Variants in SYNE1 observed in about 807,000 individuals in gnomAD.
SYNE1 encodes spectrin repeat containing nuclear envelope protein 1.
Under a neutral mutation model 1,111.0 loss-of-function variants are expected in SYNE1, and 616 were observed. That is an observed-to-expected ratio of 0.55 (90% CI 0.52 to 0.59). The LOEUF (loss-of-function observed/expected upper bound fraction) is 0.59. Among genes scored for constraint, SYNE1 ranks in the 20% least tolerant of loss-of-function variants. The pLI is 0.00. For synonymous variants in SYNE1, 3,855 were observed against 3,825.8 expected, an observed-to-expected ratio of 1.01 and a Z score of -0.28; for missense variants, 10,006 against 10,417.0, an observed-to-expected ratio of 0.96 and a Z score of 1.72.
Position 152,441,185 on chromosome 6 carries a change from C to T in SYNE1, c.4094G>A (p.Arg1365His), listed in dbSNP as rs746133846. The change falls in exon 32 of 146, where the codon CGC becomes CAC. Residue 1365 changes from arginine to histidine, a missense_variant. Around this residue, in one of 7 missense-constraint regions of SYNE1, gnomAD observed 1,971 missense variants for 2,084.1 expected, o/e 0.95. Coordinates refer to ENST00000367255, the MANE Select transcript of SYNE1 (RefSeq NM_182961.4). ...TTCCAAACTGCTAAAACTCAAGAAG[C>T]GTTCATGACTGGAACCTGTTTGAAA... ...YLFQTGSSHE[R>H]FLSFSSLESL... 2.5e-6 allele frequency: 4 copies of T among 1,613,412 alleles called. No individual in the cohort carries two copies. Among genetic ancestry groups the T allele is most frequent in the Non-Finnish European group, 3.4e-6 (4 of 1,179,700 alleles).
intron 98 of SYNE1, among the ~76,000 whole-genome samples, chr6:152,275,322 A>C (rs1406792605): frequency 6.6e-6 from 1 of 152,138 alleles, no homozygotes; most frequent in Admixed American, 6.5e-5. Flanking sequence ...TGCAGACTTA[A>C]GTTTTATATT....
At chr6:152,502,218 T>C (rs1021231960) in intron 10 of SYNE1, among the ~76,000 whole-genome samples, 1 of 152,214 alleles carries the variant, frequency 6.6e-6, no homozygotes. Context: ...TACTTCCATA[T>C]GTTTGCTGTC....
intron 47 of SYNE1, among the ~76,000 whole-genome samples, chr6:152,400,206 C>T (rs1316399145): frequency 1.3e-5 from 2 of 150,642 alleles, no homozygotes; most frequent in African/African-American, 4.9e-5. Flanking sequence ...TCACCAAAAG[C>T]ACCAGTAGTT....
At chr6:152,536,435 C>CAA (rs2099242093) in intron 4 of SYNE1, among the ~76,000 whole-genome samples, 3 of 125,288 alleles carry the variant, frequency 2.4e-5, no homozygotes, top group African/African-American at 8.9e-5. Context: ...ATATATATAA[C>CAA]TATATATAGT....
At chr6:152,425,686 A>G in intron 38 of SYNE1, 139 bp from the exon 39 acceptor site, 1 of 975,576 alleles carries the variant, frequency 1.0e-6, no homozygotes, top group Non-Finnish European at 1.6e-6. Context: ...GAGAGTTTTT[A>G]TTACTTGATT....
In SYNE1 at chr6:152,133,420, T is replaced by C; in HGVS notation, c.25857A>G (p.Leu8619=). The C allele has an allele frequency of 1.2e-6, 2 of 1,614,152 alleles. No individual in the cohort carries two copies. The highest frequency in any genetic ancestry group is 1.7e-6 in the Non-Finnish European group (2 of 1,180,010). ...AGTCTGTTCCTTCAGCATTCACCAGTAGTTGGCAAGACATGTCTTGCAAAG... is the reference window on the plus strand; with the variant it reads ...AGTCTGTTCCTTCAGCATTCACCAGCAGTTGGCAAGACATGTCTTGCAAAG... ...VASLQDMSCQ[L]LVNAEGTDCL... is the part of the protein sequence containing the mutation. The change falls in exon 143 of 146, where the codon CTA becomes CTG. Residue 8619 remains leucine (L), a synonymous_variant. Transcript: ENST00000367255.
In SYNE1 at chr6:152,211,597, T is replaced by TA. The variant is rs767966157; in HGVS notation, c.22495-10dup. ...ATCTCGGCTTGAAACAACTATAATT[T>TA]AAAAAAAAGAAGAACATACTTTAGA... On this transcript the variant is annotated splice_polypyrimidine_tract_variant and intron_variant, in intron 123 of 145. Coordinates refer to ENST00000367255, the MANE Select transcript of SYNE1 (RefSeq NM_182961.4). 24 of 1,608,590 alleles carry TA rather than the reference T, an allele frequency of 1.5e-5. No homozygotes were observed. The highest frequency in any genetic ancestry group is 1.6e-4 in the Middle Eastern group (1 of 6,076).
At position 152,425,473 on chromosome 6, in the gene SYNE1, T is replaced by G; in HGVS notation, c.5175A>C (p.Ser1725=). Residue 1725 remains serine (S), a synonymous_variant, in exon 39 of 146, where the codon TCA becomes TCC. Coordinates refer to ENST00000367255, the MANE Select transcript of SYNE1 (RefSeq NM_182961.4). ...KLLQLKESLF[S]VASKDDVKMM... ...TTTTCACATCATCTTTGGAGGCTACTGAGAACAATGATTCCTTCAATTGCA... is the reference window on the plus strand; with the variant it reads ...TTTTCACATCATCTTTGGAGGCTACGGAGAACAATGATTCCTTCAATTGCA... 2 of 1,614,158 alleles carry G rather than the reference T, an allele frequency of 1.2e-6. No individual in the cohort carries two copies. The highest frequency in any genetic ancestry group is 2.2e-5 in the South Asian group (2 of 91,082).
chr6:152,211,677 G>T (rs185016292), intron 123 of SYNE1, 89 bp from the exon 124 acceptor site: 7 of 1,121,114 alleles, frequency 6.2e-6, no homozygotes, highest in Non-Finnish European at 9.2e-6. Context: ...TCTAGTTTTC[G>T]CAAGACTATG....
At chr6:152,383,548 G>A (rs2097464182) in intron 55 of SYNE1, among the ~76,000 whole-genome samples, 2 of 152,036 alleles carry the variant, frequency 1.3e-5, no homozygotes, top group African/African-American at 4.8e-5. Flanking sequence ...GAGCCTCAGT[G>A]GCATCACACC....
intron 11 of SYNE1, among the ~76,000 whole-genome samples, chr6:152,495,190 G>C (rs1360074046): frequency 6.6e-6 from 1 of 152,014 alleles, no homozygotes; most frequent in Non-Finnish European, 1.5e-5. Flanking sequence ...CAGGGAGTTC[G>C]CCCCTGCCCA....
intron 100 of SYNE1, among the ~76,000 whole-genome samples, chr6:152,265,110 G>A (rs2092545618): frequency 6.6e-6 from 1 of 150,620 alleles, no homozygotes; most frequent in African/African-American, 2.4e-5. Flanking sequence ...AGAGGCTAAG[G>A]CAGGAGAATC....
At chr6:152,438,717 AC>A (rs796799850) in intron 32 of SYNE1, among the ~76,000 whole-genome samples, 18 of 152,330 alleles carry the variant, frequency 1.2e-4, no homozygotes, top group African/African-American at 4.3e-4. Flanking sequence ...ACACCAGTAC[AC>A]AGAGGACACT....
chr6:152,472,306 G>A lies in SYNE1; in HGVS notation c.1458C>T (p.Ala486=), dbSNP rs373091521. ...PVPPDQLEDM[A]ERFHFVSSTS... is the part of the protein sequence containing the mutation. ...AAATGCAGATATTCTCTTACCTCTC[G>A]GCCATGTCCTCTAATTGATCAGGTG... Residue 486 remains alanine (A), a synonymous_variant, in exon 15 of 146, where the codon GCC becomes GCT. Coordinates refer to ENST00000367255, the MANE Select transcript of SYNE1 (RefSeq NM_182961.4). 29 of 1,611,898 alleles carry A rather than the reference G, an allele frequency of 1.8e-5. No homozygotes were observed. Among genetic ancestry groups the A allele is most frequent in the African/African-American group, 1.6e-4 (12 of 74,886 alleles).
intron 3 of SYNE1, among the ~76,000 whole-genome samples, chr6:152,552,515 A>G (rs1385607016): frequency 6.6e-6 from 1 of 151,354 alleles, no homozygotes; most frequent in Non-Finnish European, 1.5e-5. Context: ...ATAATTTGAC[A>G]CAATTTCACC....
chr6:152,335,008 TG>T (rs2096350286), intron 76 of SYNE1, among the ~76,000 whole-genome samples: 1 of 152,192 alleles, frequency 6.6e-6, no homozygotes, highest in Admixed American at 6.5e-5. Flanking sequence ...GGAAAGGCAA[TG>T]GTTTAGATTC....
At chr6:152,441,634 G>A (rs1023186486) in intron 31 of SYNE1, among the ~76,000 whole-genome samples, 1 of 152,206 alleles carries the variant, frequency 6.6e-6, no homozygotes, top group East Asian at 1.9e-4. Flanking sequence ...GAGGGACAAG[G>A]AGATGAAGAG....
chr6:152,493,174 A>T (rs1254443824), intron 11 of SYNE1, among the ~76,000 whole-genome samples: 3 of 151,976 alleles, frequency 2.0e-5, no homozygotes, highest in Non-Finnish European at 4.4e-5. Flanking sequence ...AAATCTAATC[A>T]TCCTTACCCT....
intron 43 of SYNE1, 130 bp from the exon 44 acceptor site, chr6:152,409,356 C>T: frequency 9.4e-7 from 1 of 1,061,558 alleles, no homozygotes; most frequent in Non-Finnish European, 1.4e-6. Context: ...GATTAATTAA[C>T]TATATGAATA....
Sources: allele counts gnomAD v4.1 joint callset (sites outside exome capture counted in the v4.1 genomes callset), GRCh38; gene constraint gnomAD v4.1.1; regional missense constraint gnomAD v4.1.1; transcripts MANE v1.5; gene names NCBI Gene and HGNC (gene_info 2026-07-23, HGNC 2026-07-21).